Variants in DPT observed in about 807,000 individuals in gnomAD.
DPT encodes dermatopontin.
DPT carries 21 observed loss-of-function variants against 31.2 expected under a neutral mutation model. That is an observed-to-expected ratio of 0.67 (90% CI 0.48 to 0.97). The LOEUF (loss-of-function observed/expected upper bound fraction) is 0.97, where lower values mean the gene tolerates loss of function less well. Among genes scored for constraint, DPT ranks in the 50% least tolerant of loss-of-function variants. The pLI is 0.00. For missense variants in DPT, 262 were observed against 258.8 expected, an observed-to-expected ratio of 1.01 and a Z score of -0.08; for synonymous variants, 91 against 86.9, an observed-to-expected ratio of 1.05 and a Z score of -0.26.
chr1:168,722,394 T>C (rs1650136189), intron 1 of DPT, among the ~76,000 whole-genome samples: 1 of 152,204 alleles, frequency 6.6e-6, no homozygotes, highest in South Asian at 2.1e-4. Context: ...AGCTTTGTAA[T>C]TTACCAACTG....
chr1:168,706,737 A>G (rs1442515682), intron 2 of DPT, among the ~76,000 whole-genome samples: 2 of 152,252 alleles, frequency 1.3e-5, no homozygotes, highest in Non-Finnish European at 2.9e-5. Flanking sequence ...ACACGAGGGA[A>G]TAACAGTTCC....
intron 2 of DPT, among the ~76,000 whole-genome samples, chr1:168,703,846 A>G (rs1309277486): frequency 2.6e-5 from 4 of 152,206 alleles, no homozygotes; most frequent in Admixed American, 6.5e-5. Flanking sequence ...TATTGAGTCA[A>G]TGTGGCCCAG....
chr1:168,729,125 C>A lies in DPT; in HGVS notation c.50G>T (p.Trp17Leu). ...GTATCCATAATCGCCATACTGGCCCCAGGCCATGGTGACTAGGGGCAGAAG... is the reference window on the plus strand; with the variant it reads ...GTATCCATAATCGCCATACTGGCCCAAGGCCATGGTGACTAGGGGCAGAAG... ...WVLLPLVTMA[W>L]GQYGDYGYPY... The change falls in exon 1 of 4, where the codon TGG becomes TTG. Residue 17 changes from tryptophan (W) to leucine (L), a missense_variant. Trp to Leu is a moderately conservative substitution (Grantham distance 61). Coordinates refer to ENST00000367817, the MANE Select transcript of DPT (RefSeq NM_001937.5). 1.9e-6 allele frequency: 3 copies of A among 1,614,168 alleles called. No individual in the cohort carries two copies. Among genetic ancestry groups the A allele is most frequent in the Non-Finnish European group, 2.5e-6 (3 of 1,180,028 alleles).
rs1285897155 is a variant in DPT, at chr1:168,696,417, C to T, written c.*132G>A. 5 of 696,778 alleles carry T rather than the reference C, an allele frequency of 7.2e-6. No individual in the cohort carries two copies. The highest frequency in any genetic ancestry group is 1.2e-5 in the Non-Finnish European group (5 of 419,440). The allele number at this position is 696,778 out of a possible 1,614,324, so 43.2% of individuals were successfully genotyped here. ...AGAAAGGCCCAGGAAGTTGGCATTG[C>T]AGTTACCAGCTCAGGGAGAAGGAAA... On this transcript the variant is annotated 3_prime_UTR_variant, in exon 4 of 4. Coordinates refer to ENST00000367817, the MANE Select transcript of DPT (RefSeq NM_001937.5).
chr1:168,707,389 G>T (rs76225658), intron 2 of DPT, among the ~76,000 whole-genome samples: 5,019 of 152,176 alleles, frequency 0.033, 252 homozygotes, highest in African/African-American at 0.11. Context: ...ATCTATTATA[G>T]TAGAGGGAAG....
rs377468804 is a variant in DPT at position 168,704,594 on chromosome 1, G to GGTGT, written c.432-3474_432-3471dup. 3.0e-4 allele frequency among the ~76,000 whole-genome samples: 45 copies of GGTGT among 150,890 alleles called. 1 individual carries two copies. Among genetic ancestry groups the GGTGT allele is most frequent in the African/African-American group, 8.2e-4 (34 of 41,312 alleles). ...AGCAAAACTACTGGTGTGTGTGTGG[G>GGTGT]GTGTGTGTGTGTGTGTGCATGCGCA... is the stretch of plus-strand genomic sequence containing the variant. On this transcript the variant is annotated intron_variant, in intron 2 of 3. Transcript: ENST00000367817.
chr1:168,695,858 C>T lies in DPT; in HGVS notation c.*691G>A, dbSNP rs569705882. Reference sequence around the variant, plus strand: ...TAATCTCATTTGAGAGTGATCCTCACGGGTTCCCCTGGCCCCTGCACTCAT... The same window carrying T: ...TAATCTCATTTGAGAGTGATCCTCATGGGTTCCCCTGGCCCCTGCACTCAT... On this transcript the variant is annotated 3_prime_UTR_variant, in exon 4 of 4. Transcript: ENST00000367817. 2.7e-5 allele frequency: 7 copies of T among 263,090 alleles called. No individual in the cohort carries two copies. The highest frequency in any genetic ancestry group is 1.1e-4 in the Admixed American group (2 of 18,538). The allele number at this position is 263,090 out of a possible 1,614,324, so 16.3% of individuals were successfully genotyped here.
chr1:168,703,124 A>G (rs917072111), intron 2 of DPT, among the ~76,000 whole-genome samples: 2 of 152,232 alleles, frequency 1.3e-5, no homozygotes, highest in Non-Finnish European at 2.9e-5. Context: ...AATATTTTCT[A>G]AAACTTTTGA....
At chr1:168,698,708 A>G (rs759741727) in intron 3 of DPT, among the ~76,000 whole-genome samples, 17 of 152,194 alleles carry the variant, frequency 1.1e-4, no homozygotes, top group Non-Finnish European at 2.4e-4. Flanking sequence ...TGCAAAGGAC[A>G]GACCCTGAAA....
intron 1 of DPT, 34 bp downstream of exon 1, chr1:168,728,836 C>G (rs1416118941): frequency 6.2e-7 from 1 of 1,604,896 alleles, no homozygotes; most frequent in African/African-American, 1.3e-5. Flanking sequence ...AGAGATGTTC[C>G]CAGCCCCAGT....
intron 1 of DPT, among the ~76,000 whole-genome samples, chr1:168,715,104 C>T (rs1016307461): frequency 7.9e-5 from 12 of 152,184 alleles, no homozygotes; most frequent in African/African-American, 2.9e-4. Flanking sequence ...TCTAAAGATC[C>T]CTTTCCTGTC....
intron 3 of DPT, among the ~76,000 whole-genome samples, chr1:168,700,575 T>C (rs972862581): frequency 1.3e-5 from 2 of 152,160 alleles, no homozygotes; most frequent in African/African-American, 4.8e-5. Context: ...CCTCTAAGCA[T>C]ATTTGCCTTC....
chr1:168,713,789 C>G (rs1259104426), intron 2 of DPT, among the ~76,000 whole-genome samples: 1 of 151,500 alleles, frequency 6.6e-6, no homozygotes, highest in African/African-American at 2.4e-5. Flanking sequence ...AGACTCTGAC[C>G]CATGAGAGGA....
At chr1:168,706,551 A>G (rs1649719973) in intron 2 of DPT, among the ~76,000 whole-genome samples, 1 of 152,218 alleles carries the variant, frequency 6.6e-6, no homozygotes, top group Non-Finnish European at 1.5e-5. Context: ...GCTTCTTCCC[A>G]CAAGAGCTGG....
intron 3 of DPT, among the ~76,000 whole-genome samples, chr1:168,697,949 C>A (rs1303047258): frequency 1.3e-5 from 2 of 152,316 alleles, no homozygotes; most frequent in South Asian, 2.1e-4. Flanking sequence ...TTTGCACAGT[C>A]CTGATAAAGG....
intron 1 of DPT, among the ~76,000 whole-genome samples, chr1:168,721,451 T>C (rs1485848266): frequency 1.3e-5 from 2 of 152,170 alleles, no homozygotes; most frequent in Non-Finnish European, 2.9e-5. Context: ...ATGATAAAAG[T>C]ACCTGTAATC....
chr1:168,702,566 C>T (rs1649621679), intron 2 of DPT, among the ~76,000 whole-genome samples: 1 of 151,386 alleles, frequency 6.6e-6, no homozygotes, highest in Admixed American at 6.6e-5. Context: ...TTATTTTGTG[C>T]TTCTAAAGAG....
At chr1:168,725,120 T>C (rs1352199704) in intron 1 of DPT, among the ~76,000 whole-genome samples, 2 of 152,208 alleles carry the variant, frequency 1.3e-5, no homozygotes, top group African/African-American at 2.4e-5. Context: ...AGTTTTCTTA[T>C]ACTTTATCCT....
chr1:168,719,245 C>T (rs1650047261), intron 1 of DPT, among the ~76,000 whole-genome samples: 1 of 152,174 alleles, frequency 6.6e-6, no homozygotes, highest in South Asian at 2.1e-4. Flanking sequence ...CGTTCTCTCC[C>T]TGCAGCTCCA....
Sources: gnomAD v4.1 joint callset for allele counts (sites outside exome capture counted in the v4.1 genomes callset) on GRCh38, gnomAD v4.1.1 for gene constraint, MANE v1.5 for transcripts, NCBI Gene and HGNC (gene_info 2026-07-23, HGNC 2026-07-21) for gene names.